Variants in MFSD6 observed in about 807,000 individuals in gnomAD.
MFSD6 encodes the protein major facilitator superfamily domain-containing protein 6.
A neutral mutation model predicts 56.3 loss-of-function variants in MFSD6; 26 were observed. The observed-to-expected ratio is 0.46, with a 90% confidence interval of 0.34 to 0.64. MFSD6 has a LOEUF of 0.64. Ranked by LOEUF, MFSD6 falls within the 30% of genes least tolerant of loss-of-function variation. MFSD6 has a pLI of 0.01. For synonymous variants in MFSD6, 331 were observed against 366.9 expected, an observed-to-expected ratio of 0.90 and a Z score of 1.12; for missense variants, 750 against 986.2, an observed-to-expected ratio of 0.76 and a Z score of 3.21.
chr2:190,420,481 G>C (rs1685570791), intron 2 of MFSD6, among the ~76,000 whole-genome samples: 1 of 152,026 alleles, frequency 6.6e-6, no homozygotes, highest in African/African-American at 2.4e-5. Context: ...TGGGGTTTAG[G>C]GCTTCAACTT....
intron 1 of MFSD6, 101 bp downstream of exon 1, chr2:190,408,604 C>G (rs575706827): frequency 2.6e-5 from 4 of 152,246 alleles, no homozygotes; most frequent in South Asian, 4.1e-4. Context: ...ACCTCAGCCG[C>G]GCACACCTGC....
chr2:190,457,421 C>G lies in MFSD6; in HGVS notation c.1533-12337C>G, dbSNP rs1225483786. ...CTTCTTCCTGTTGGCCCCCTACCCCCAGGACTCAGACTTTGCGTGTTTTTT... is the reference window on the plus strand; with the variant it reads ...CTTCTTCCTGTTGGCCCCCTACCCCGAGGACTCAGACTTTGCGTGTTTTTT... On this transcript the variant is annotated intron_variant, in intron 3 of 7. Transcript: ENST00000392328. This position sits in a 1 kb window ranked among gnomAD's most constrained non-coding sequence, Gnocchi z 5.1. Among the ~76,000 whole-genome samples the G allele has an allele frequency of 2.0e-5, 3 of 152,302 alleles. No homozygotes were observed. Among genetic ancestry groups the G allele is most frequent in the East Asian group, 3.9e-4 (2 of 5,192 alleles).
chr2:190,437,278 A>G lies in MFSD6; in HGVS notation c.1249A>G (p.Thr417Ala), dbSNP rs140935362. The G allele has an allele frequency of 6.8e-6, 11 of 1,614,072 alleles. No homozygotes were observed. The highest frequency in any genetic ancestry group is 1.1e-5 in the South Asian group (1 of 91,084). Residue 417 changes from threonine (T) to alanine (A), a missense_variant, in exon 3 of 8, where the codon ACA becomes GCA. Physicochemically the swap from Thr to Ala is moderately conservative, Grantham distance 58. Coordinates refer to ENST00000392328, the MANE Select transcript of MFSD6 (RefSeq NM_017694.4). The surrounding 1 kb of genome is among the most constrained non-coding windows in gnomAD (Gnocchi z 5.9). Reference sequence around the variant, plus strand: ...CCCGCAGGTGGAAAGGAACAACTCTACAGAGTCCTCTGAGGAGACACCAAC... The same window carrying G: ...CCCGCAGGTGGAAAGGAACAACTCTGCAGAGTCCTCTGAGGAGACACCAAC... ...EIPQVERNNS[T>A]ESSEETPTTT...
chr2:190,440,769 T>C (rs1156300760), intron 3 of MFSD6, among the ~76,000 whole-genome samples: 1 of 152,234 alleles, frequency 6.6e-6, no homozygotes, highest in Non-Finnish European at 1.5e-5. Context: ...CCGGGGGGGT[T>C]ACATTACCTA....
chr2:190,470,386 T>A (rs980356616), intron 4 of MFSD6, among the ~76,000 whole-genome samples: 1 of 152,230 alleles, frequency 6.6e-6, no homozygotes, highest in Non-Finnish European at 1.5e-5. Context: ...TTTGCTTCAG[T>A]GTACTGTCTC....
rs2125008946 is a variant in MFSD6, at chr2:190,423,963, C to T, written c.-54+8550C>T. ...TATCCTCTTCAGTGAAATGTCCCTTCACGTTTTTTGTCCATTTTCTAATTG... is the reference window on the plus strand; with the variant it reads ...TATCCTCTTCAGTGAAATGTCCCTTTACGTTTTTTGTCCATTTTCTAATTG... On this transcript the variant is annotated intron_variant, in intron 2 of 7. Transcript: ENST00000392328. This position sits in a 1 kb window ranked among gnomAD's most constrained non-coding sequence, Gnocchi z 4.3. Among the ~76,000 whole-genome samples, 1 of 152,288 alleles carries T rather than the reference C, an allele frequency of 6.6e-6. No individual in the cohort carries two copies. Among genetic ancestry groups the T allele is most frequent in the East Asian group, 1.9e-4 (1 of 5,190 alleles).
intron 2 of MFSD6, among the ~76,000 whole-genome samples, chr2:190,422,500 T>C (rs776539465): frequency 3.3e-5 from 5 of 152,238 alleles, no homozygotes; most frequent in Non-Finnish European, 7.3e-5. Context: ...GTAAAATGTC[T>C]TTATTTCACC....
At position 190,457,737 on chromosome 2, in the gene MFSD6, A is replaced by G. The variant is rs1185487381; in HGVS notation, c.1533-12021A>G. ...GCAGTTTTTCTTTACATGCTTGTTTAATCTTTTCAAAACTCTAGTATAACC... is the reference window on the plus strand; with the variant it reads ...GCAGTTTTTCTTTACATGCTTGTTTGATCTTTTCAAAACTCTAGTATAACC... On this transcript the variant is annotated intron_variant, in intron 3 of 7. Transcript: ENST00000392328. This position sits in a 1 kb window ranked among gnomAD's most constrained non-coding sequence, Gnocchi z 5.1. 6.6e-6 allele frequency among the ~76,000 whole-genome samples: 1 copy of G among 152,158 alleles called. No individual in the cohort carries two copies. The highest frequency in any genetic ancestry group is 1.9e-4 in the East Asian group (1 of 5,198).
chr2:190,410,928 C>A lies in MFSD6; in HGVS notation c.-176+2425C>A, dbSNP rs1431423082. Among the ~76,000 whole-genome samples, 11 of 151,562 alleles carry A rather than the reference C, an allele frequency of 7.3e-5. No individual in the cohort carries two copies. Among genetic ancestry groups the A allele is most frequent in the Non-Finnish European group, 8.8e-5 (6 of 67,886 alleles). ...AAAATTAGCTGAGCGTGGTGGCGGGCGCCTGGAATCCCAGCTACTCAGGGG... is the reference window on the plus strand; with the variant it reads ...AAAATTAGCTGAGCGTGGTGGCGGGAGCCTGGAATCCCAGCTACTCAGGGG... On this transcript the variant is annotated intron_variant, in intron 1 of 7. Transcript: ENST00000392328. This position sits in a 1 kb window ranked among gnomAD's most constrained non-coding sequence, Gnocchi z 4.4.
rs1246271467 is a variant in MFSD6, at chr2:190,447,076, T to G, written c.1532+9515T>G. On this transcript the variant is annotated intron_variant, in intron 3 of 7. Coordinates refer to ENST00000392328, the MANE Select transcript of MFSD6 (RefSeq NM_017694.4). This position sits in a 1 kb window ranked among gnomAD's most constrained non-coding sequence, Gnocchi z 4.5. ...CTAAAAATATGCAGTCTCTCTCTGATTCATAGGCTCAGTAAAAAAAAAAAC... is the reference window on the plus strand; with the variant it reads ...CTAAAAATATGCAGTCTCTCTCTGAGTCATAGGCTCAGTAAAAAAAAAAAC... Among the ~76,000 whole-genome samples the G allele has an allele frequency of 6.8e-6, 1 of 147,986 alleles. No individual in the cohort carries two copies. The highest frequency in any genetic ancestry group is 2.4e-5 in the African/African-American group (1 of 41,206).
In MFSD6 at chr2:190,489,694, A is replaced by C. The variant is rs1211055628; in HGVS notation, c.1793-74A>C. On this transcript the variant is annotated intron_variant, in intron 5 of 7. Transcript: ENST00000392328. This position sits in a 1 kb window ranked among gnomAD's most constrained non-coding sequence, Gnocchi z 6.6. Reference sequence around the variant, plus strand: ...GTGCTTCCTTTGCTTTGATCTTTAGAAAACTGATGGTTTTAGATGAGCGCT... The same window carrying C: ...GTGCTTCCTTTGCTTTGATCTTTAGCAAACTGATGGTTTTAGATGAGCGCT... 3 of 1,389,594 alleles carry C rather than the reference A, an allele frequency of 2.2e-6. No individual in the cohort carries two copies. The highest frequency in any genetic ancestry group is 3.0e-6 in the Non-Finnish European group (3 of 1,008,144). The allele number at this position is 1,389,594 out of a possible 1,614,324, so 86.1% of individuals were successfully genotyped here. A position where few individuals can be genotyped will look rare whatever the true frequency, so the allele number is the denominator to read the frequency against.
chr2:190,411,163 T>TG, intron 1 of MFSD6: 13 of 673,104 alleles, frequency 1.9e-5, no homozygotes, highest in Non-Finnish European at 2.1e-5. Flanking sequence ...TGACAGTAGT[T>TG]TTTTTTTTTT....
rs1687032949 is a variant in MFSD6 at position 190,456,237 on chromosome 2, G to A, written c.1533-13521G>A. 6.6e-6 allele frequency among the ~76,000 whole-genome samples: 1 copy of A among 152,038 alleles called. No homozygotes were observed. The highest frequency in any genetic ancestry group is 1.5e-5 in the Non-Finnish European group (1 of 68,000). On this transcript the variant is annotated intron_variant, in intron 3 of 7. Transcript: ENST00000392328. The surrounding 1 kb of genome is among the most constrained non-coding windows in gnomAD (Gnocchi z 5.4). Reference sequence around the variant, plus strand: ...ATTACAGGTGTGAGCCACCATGCCTGGCCTGCTCTACTTTTTTCCTTACTT... The same window carrying A: ...ATTACAGGTGTGAGCCACCATGCCTAGCCTGCTCTACTTTTTTCCTTACTT...
intron 3 of MFSD6, among the ~76,000 whole-genome samples, chr2:190,450,750 C>T (rs1471308612): frequency 6.6e-6 from 1 of 152,110 alleles, no homozygotes; most frequent in Non-Finnish European, 1.5e-5. Flanking sequence ...ACCTCAGCCT[C>T]CGAAAGTGCT....
chr2:190,445,499 A>AT (rs11397321), intron 3 of MFSD6, among the ~76,000 whole-genome samples: 79,203 of 148,000 alleles, frequency 0.54, 22,131 homozygotes, highest in Admixed American at 0.64. Context: ...AAGAACACGA[A>AT]TTTTTTTTTT....
chr2:190,467,746 G>GA lies in MFSD6; in HGVS notation c.1533-2004dup, dbSNP rs202028859. Among the ~76,000 whole-genome samples, 374 of 151,828 alleles carry GA rather than the reference G, an allele frequency of 2.5e-3. 2 individuals are homozygous for GA. The highest frequency in any genetic ancestry group is 8.7e-3 in the African/African-American group (362 of 41,426). On this transcript the variant is annotated intron_variant, in intron 3 of 7. Coordinates refer to ENST00000392328, the MANE Select transcript of MFSD6 (RefSeq NM_017694.4). This position sits in a 1 kb window ranked among gnomAD's most constrained non-coding sequence, Gnocchi z 5.5. ...ATAGTTTCTACATGTTTAAATGGTT[G>GA]AAAAAAAACACAAGAAGAATAAGAT... is the stretch of plus-strand genomic sequence containing the variant.
At chr2:190,448,794 A>G (rs1233199885) in intron 3 of MFSD6, among the ~76,000 whole-genome samples, 1 of 152,220 alleles carries the variant, frequency 6.6e-6, no homozygotes, top group African/African-American at 2.4e-5. Flanking sequence ...CTTTAAGGAA[A>G]TAATGGCAAA....
Position 190,488,017 on chromosome 2 carries a change from C to T in MFSD6, c.1631-640C>T, listed in dbSNP as rs1235606968. Among the ~76,000 whole-genome samples the T allele has an allele frequency of 6.6e-6, 1 of 152,182 alleles. No homozygotes were observed. Among genetic ancestry groups the T allele is most frequent in the Non-Finnish European group, 1.5e-5 (1 of 68,036 alleles). ...TCCTGGGTTCAAACGATTCCACTGCCTCAGCCTCCCGAGTAGCTGGGACTA... is the reference window on the plus strand; with the variant it reads ...TCCTGGGTTCAAACGATTCCACTGCTTCAGCCTCCCGAGTAGCTGGGACTA... On this transcript the variant is annotated intron_variant, in intron 4 of 7. Coordinates refer to ENST00000392328, the MANE Select transcript of MFSD6 (RefSeq NM_017694.4). This position sits in a 1 kb window ranked among gnomAD's most constrained non-coding sequence, Gnocchi z 6.4.
chr2:190,436,594 C>G lies in MFSD6; in HGVS notation c.565C>G (p.Leu189Val). The change falls in exon 3 of 8, where the codon CTC becomes GTC. Residue 189 changes from leucine (L) to valine (V), a missense_variant. This residue lies in a region of MFSD6 where 376 missense variants were observed against 437.9 expected (regional missense o/e 0.86). Coordinates refer to ENST00000392328, the MANE Select transcript of MFSD6 (RefSeq NM_017694.4). This position sits in a 1 kb window ranked among gnomAD's most constrained non-coding sequence, Gnocchi z 5.3. ...AACAAATTCTTCCTTTACCTCTTTC[C>G]TCACCATATCACCAAAAATGCGTGA... ...LPTNSSFTSF[L>V]TISPKMREKR... The G allele has an allele frequency of 6.2e-7, 1 of 1,614,232 alleles. No homozygotes were observed. The highest frequency in any genetic ancestry group is 1.3e-5 in the African/African-American group (1 of 75,056).
Sources: gnomAD v4.1 joint callset for allele counts (sites outside exome capture counted in the v4.1 genomes callset) on GRCh38, gnomAD v4.1.1 for gene constraint, gnomAD v4.1.1 regional missense constraint, Gnocchi (gnomAD v3.1) non-coding constraint, MANE v1.5 for transcripts, NCBI Gene and HGNC (gene_info 2026-07-23, HGNC 2026-07-21) for gene names.